CNTN2: variants seen among roughly 807,000 people sequenced by gnomAD.
CNTN2 encodes the protein contactin 2.
In CNTN2, 53 loss-of-function variants were observed where a neutral mutation model predicts 117.5. The observed-to-expected ratio is 0.45, with a 90% CI of 0.36 to 0.57. CNTN2 has a LOEUF of 0.57. Ranked by LOEUF, CNTN2 falls within the 20% of genes least tolerant of loss-of-function variation. The pLI is 0.00. For synonymous variants in CNTN2, 530 were observed against 561.7 expected, an observed-to-expected ratio of 0.94 and a Z score of 0.80; for missense variants, 1,106 against 1,404.3, an observed-to-expected ratio of 0.79 and a Z score of 3.39.
Position 205,059,276 on chromosome 1 carries a change from T to C in CNTN2, c.680T>C (p.Leu227Pro). ...AGCGTCTTCAGCAAGTTTGCTCAGC[T>C]CAACCTGGCTGCTGAAGGTCAGGCT... ...TKSVFSKFAQ[L>P]NLAAEDTRLF... Residue 227 changes from leucine to proline, a missense_variant, in exon 6 of 23, where the codon CTC becomes CCC. Coordinates refer to ENST00000331830, the MANE Select transcript of CNTN2 (RefSeq NM_005076.5). The surrounding 1 kb of genome is among the most constrained non-coding windows in gnomAD (Gnocchi z 5.6). 6.2e-7 allele frequency: 1 copy of C among 1,613,840 alleles called. No individual in the cohort carries two copies.
At chr1:205,072,747 A>G (rs564752260) in intron 21 of CNTN2, 152 bp downstream of exon 21, 8 of 697,470 alleles carry the variant, frequency 1.1e-5, no homozygotes, top group South Asian at 8.1e-5. Context: ...TTCATGAACT[A>G]TTCTCTCAGT....
Position 205,074,893 on chromosome 1 carries a change from C to T in CNTN2, c.*1128C>T, listed in dbSNP as rs574628392. The T allele has an allele frequency of 1.0e-5, 4 of 398,614 alleles. No homozygotes were observed. The highest frequency in any genetic ancestry group is 1.3e-4 in the South Asian group (1 of 7,856). The allele number at this position is 398,614 out of a possible 1,614,324, so 24.7% of individuals were successfully genotyped here. A position where few individuals can be genotyped will look rare whatever the true frequency, so the allele number is the denominator to read the frequency against. The stretch of plus-strand genomic sequence containing the variant: ...CCACCTGGCCAGATCCGCTCCCAGA[C>T]GGCCTTGGACTGCTTGCATTTCCCC... On this transcript the variant is annotated 3_prime_UTR_variant, in exon 23 of 23. Coordinates refer to ENST00000331830, the MANE Select transcript of CNTN2 (RefSeq NM_005076.5).
intron 19 of CNTN2, chr1:205,070,851 C>T: frequency 5.3e-6 from 1 of 187,776 alleles, no homozygotes; most frequent in Non-Finnish European, 1.1e-5. Flanking sequence ...CAAAAATTAG[C>T]TGGGCATGGT....
At position 205,058,337 on chromosome 1, in the gene CNTN2, G is replaced by C. The variant is rs776383404; in HGVS notation, c.372G>C (p.Glu124Asp). 6.5e-7 allele frequency: 1 copy of C among 1,527,022 alleles called. No homozygotes were observed. The highest frequency in any genetic ancestry group is 8.8e-7 in the Non-Finnish European group (1 of 1,136,016). The allele number at this position is 1,527,022 out of a possible 1,614,324, so 94.6% of individuals were successfully genotyped here. Reference sequence around the variant, plus strand: ...CAGTGGGCACCGTTGTCAGCAGGGAGGCCATCCTCCGCTTCGGCTGTGAGA... The same window carrying C: ...CAGTGGGCACCGTTGTCAGCAGGGACGCCATCCTCCGCTTCGGCTGTGAGA... Reference protein sequence around the residue: ...SNPVGTVVSREAILRFGFLQE... With the variant: ...SNPVGTVVSRDAILRFGFLQE... Residue 124 changes from glutamate to aspartate, a missense_variant, in exon 4 of 23, where the codon GAG becomes GAC. Glu to Asp is a conservative substitution (Grantham distance 45). Transcript: ENST00000331830. The surrounding 1 kb of genome is among the most constrained non-coding windows in gnomAD (Gnocchi z 4.3).
intron 15 of CNTN2, 57 bp downstream of exon 15, chr1:205,066,656 T>C: frequency 2.5e-6 from 4 of 1,583,850 alleles, no homozygotes; most frequent in East Asian, 2.3e-5. Flanking sequence ...GTGTAGGAGG[T>C]GGAAAGGGTC....
At position 205,061,097 on chromosome 1, in the gene CNTN2, G is replaced by A. The variant is rs1461054609; in HGVS notation, c.798-148G>A. On this transcript the variant is annotated intron_variant, in intron 7 of 22. Transcript: ENST00000331830. The surrounding 1 kb of genome is among the most constrained non-coding windows in gnomAD (Gnocchi z 4.8). ...GAGCCTACCTGGGAGAGGAGAGTGA[G>A]GATCAGCCAGAAGGCACCCTCTCTC... 5.9e-6 allele frequency: 5 copies of A among 841,202 alleles called. No individual in the cohort carries two copies. The African/African-American group carries it at 6.9e-5, about 12-fold the overall frequency. The allele number at this position is 841,202 out of a possible 1,614,324, so 52.1% of individuals were successfully genotyped here.
chr1:205,057,867 C>T (rs1653729937), intron 2 of CNTN2, 54 bp from the exon 3 acceptor site: 8 of 1,588,284 alleles, frequency 5.0e-6, no homozygotes, highest in Non-Finnish European at 6.9e-6. Flanking sequence ...CCCAAGAGGC[C>T]AGGCTCCAGC....
At chr1:205,056,390 C>T (rs191199874) in intron 2 of CNTN2, among the ~76,000 whole-genome samples, 9 of 152,302 alleles carry the variant, frequency 5.9e-5, no homozygotes, top group Non-Finnish European at 1.0e-4. Context: ...CGTCACCGCC[C>T]GCCGCCTCCG....
intron 19 of CNTN2, chr1:205,070,834 A>G: frequency 5.2e-6 from 1 of 193,254 alleles, no homozygotes; most frequent in Non-Finnish European, 1.1e-5. Context: ...CGCCTCTACT[A>G]AAAATACAAA....
intron 19 of CNTN2, among the ~76,000 whole-genome samples, chr1:205,071,033 T>C (rs554031463): frequency 1.7e-4 from 25 of 149,554 alleles, no homozygotes; most frequent in Admixed American, 2.7e-4. Flanking sequence ...CTTATGCCCA[T>C]TGGGGAAGAC....
At chr1:205,054,905 T>TC (rs2096458632) in intron 2 of CNTN2, among the ~76,000 whole-genome samples, 3 of 152,100 alleles carry the variant, frequency 2.0e-5, no homozygotes, top group African/African-American at 7.2e-5. Flanking sequence ...GGGGGAAAAG[T>TC]TACCAGGACA....
rs749345741 is a variant in CNTN2 at position 205,058,701 on chromosome 1, A to G, written c.487+38A>G. On this transcript the variant is annotated intron_variant, in intron 5 of 22. Coordinates refer to ENST00000331830, the MANE Select transcript of CNTN2 (RefSeq NM_005076.5). This position sits in a 1 kb window ranked among gnomAD's most constrained non-coding sequence, Gnocchi z 4.3. Reference sequence around the variant, plus strand: ...CTGGGGCCAGGGTTAGAGAGGGCACAGGAAGGGCTTCCAGATGCTTGGCAG... The same window carrying G: ...CTGGGGCCAGGGTTAGAGAGGGCACGGGAAGGGCTTCCAGATGCTTGGCAG... 159 of 1,521,472 alleles carry G rather than the reference A, an allele frequency of 1.0e-4. No individual in the cohort carries two copies. The highest frequency in any genetic ancestry group is 1.4e-4 in the Non-Finnish European group (154 of 1,104,912). 94.2% of individuals were successfully genotyped at this position (1,521,472 alleles called of 1,614,324 possible).
rs117267928 is a variant in CNTN2, at chr1:205,055,671, G to C, written c.71-2250G>C. ...AAACAGAGGTCAAGAGTCAGGAACA[G>C]TGGGGTTAAGAATGCTTGTGGTGGG... On this transcript the variant is annotated intron_variant, in intron 2 of 22. Transcript: ENST00000331830. Among the ~76,000 whole-genome samples, 223 of 152,350 alleles carry C rather than the reference G, an allele frequency of 1.5e-3. 4 individuals carry two copies. The East Asian group carries it at 0.015, about 10-fold the overall frequency.
chr1:205,067,192 C>T lies in CNTN2; in HGVS notation c.2067C>T (p.Asn689=), dbSNP rs748832926. ...MDYEFRVIAS[N]ILGTGEPSGP... ...ATGAGTTCCGGGTCATAGCCAGCAA[C>T]ATTCTGGGCACTGGGGAGCCTAGTG... The change falls in exon 16 of 23, where the codon AAC becomes AAT. Residue 689 remains asparagine, a synonymous_variant. Coordinates refer to ENST00000331830, the MANE Select transcript of CNTN2 (RefSeq NM_005076.5). The T allele has an allele frequency of 6.2e-7, 1 of 1,614,142 alleles. No individual in the cohort carries two copies. Among genetic ancestry groups the T allele is most frequent in the Non-Finnish European group, 8.5e-7 (1 of 1,180,002 alleles).
intron 14 of CNTN2, 157 bp from the exon 15 acceptor site, chr1:205,066,284 C>T: frequency 1.2e-6 from 1 of 843,198 alleles, no homozygotes; most frequent in Non-Finnish European, 1.8e-6. Context: ...CCCAACTGCC[C>T]ACACCCCTTG....
chr1:205,073,456 AG>A lies in CNTN2; in HGVS notation c.3014-195del. ...AGGGCCAGGGAAGGGCGCAGGGTGCAGGGGGAGGCTGAGGACCAACCAGCAA... is the reference window on the plus strand; with the variant it reads ...AGGGCCAGGGAAGGGCGCAGGGTGCAGGGGAGGCTGAGGACCAACCAGCAA... On this transcript the variant is annotated intron_variant, in intron 22 of 22. Transcript: ENST00000331830. The surrounding 1 kb of genome is among the most constrained non-coding windows in gnomAD (Gnocchi z 6.3). 1 of 737,580 alleles carries A rather than the reference AG, an allele frequency of 1.4e-6. No individual in the cohort carries two copies. Among genetic ancestry groups the A allele is most frequent in the Non-Finnish European group, 2.2e-6 (1 of 454,040 alleles). 45.7% of individuals were successfully genotyped at this position (737,580 alleles called of 1,614,324 possible).
chr1:205,047,654 G>C (rs552062318), intron 1 of CNTN2, among the ~76,000 whole-genome samples: 127 of 152,288 alleles, frequency 8.3e-4, no homozygotes, highest in African/African-American at 3.0e-3. Context: ...CGTAAGAGGA[G>C]GGAGGCACCT....
intron 21 of CNTN2, 61 bp downstream of exon 21, chr1:205,072,656 A>T: frequency 7.7e-7 from 1 of 1,296,360 alleles, no homozygotes; most frequent in Non-Finnish European, 1.1e-6. Context: ...GTTTCCAGTG[A>T]ACATAAGCAG....
intron 10 of CNTN2, chr1:205,063,206 C>T (rs1654081860): frequency 6.6e-6 from 1 of 152,212 alleles, no homozygotes; most frequent in Admixed American, 6.5e-5. Context: ...CTCAACACTT[C>T]ACAGGGATGA....
Sources: gnomAD v4.1 joint callset for allele counts (sites outside exome capture counted in the v4.1 genomes callset) on GRCh38, gnomAD v4.1.1 for gene constraint, Gnocchi (gnomAD v3.1) non-coding constraint, MANE v1.5 for transcripts, NCBI Gene and HGNC (gene_info 2026-07-23, HGNC 2026-07-21) for gene names.